The following KCNMA1 variants were observed in gnomAD, a reference collection of about 807,000 sequenced individuals.
KCNMA1 encodes potassium calcium-activated channel subfamily M alpha 1.
Under a neutral mutation model 140.0 loss-of-function variants are expected in KCNMA1, and 29 were observed. The observed-to-expected ratio is 0.21, with a 90% CI of 0.15 to 0.28. The LOEUF (loss-of-function observed/expected upper bound fraction) is 0.28, where lower values mean the gene tolerates loss of function less well. Among genes scored for constraint, KCNMA1 ranks in the 10% least tolerant of loss-of-function variants. The pLI, the probability that KCNMA1 is intolerant of heterozygous loss-of-function variation, is 1.00. For synonymous variants in KCNMA1, 612 were observed against 611.9 expected (o/e 1.00, Z 0.00); for missense variants, 880 against 1,602.2 (o/e 0.55, Z 7.70).
At chr10:77,028,468 G>T (rs1468780302) in intron 15 of KCNMA1, among the ~76,000 whole-genome samples, 1 of 152,034 alleles carries the variant, frequency 6.6e-6, no homozygotes, top group Non-Finnish European at 1.5e-5. Context: ...ACTGCTTTGA[G>T]GCTGGCTTGT....
rs111557112 is a variant in KCNMA1 at position 77,040,831 on chromosome 10, G to A, written c.1750-1194C>T. On this transcript the variant is annotated intron_variant, in intron 14 of 27. Transcript: ENST00000286628. ...AGATGTCTTGCTCCAAATTTCAAAA[G>A]GAGTATCACAAAAGTAAAATGTAGT... Among the ~76,000 whole-genome samples the A allele has an allele frequency of 1.8e-3, 268 of 152,248 alleles. 1 individual carries two copies. The highest frequency in any genetic ancestry group is 6.1e-3 in the African/African-American group (254 of 41,540).
rs991553254 is a variant in KCNMA1 at position 77,108,297 on chromosome 10, A to T, written c.1223+184T>A. ...TGCAACTGACTTACTTTCTGCCTCC[A>T]TGTTTGTTAAAAGTCCCGCCGAATT... On this transcript the variant is annotated intron_variant, in intron 9 of 27. Transcript: ENST00000286628. This position sits in a 1 kb window ranked among gnomAD's most constrained non-coding sequence, Gnocchi z 4.6. 9.4e-6 allele frequency: 14 copies of T among 1,494,294 alleles called. No homozygotes were observed. The highest frequency in any genetic ancestry group is 1.2e-5 in the Non-Finnish European group (14 of 1,129,728). The allele number at this position is 1,494,294 out of a possible 1,614,324, so 92.6% of individuals were successfully genotyped here.
At chr10:77,569,724 A>G (rs2070132402) in intron 1 of KCNMA1, among the ~76,000 whole-genome samples, 1 of 152,278 alleles carries the variant, frequency 6.6e-6, no homozygotes, top group East Asian at 1.9e-4. Context: ...ACAAAAGTCA[A>G]AATTGACAGA....
At chr10:77,284,499 CTGT>C (rs1287154320) in intron 2 of KCNMA1, among the ~76,000 whole-genome samples, 3 of 152,182 alleles carry the variant, frequency 2.0e-5, no homozygotes, top group East Asian at 1.9e-4. Flanking sequence ...AGGGGAGACT[CTGT>C]TGTTGTTATT....
chr10:77,463,619 A>G lies in KCNMA1; in HGVS notation c.379-59596T>C, dbSNP rs117981020. Among the ~76,000 whole-genome samples the G allele has an allele frequency of 5.3e-5, 8 of 152,286 alleles. No homozygotes were observed. The East Asian group carries it at 1.5e-3, about 29-fold the overall frequency. On this transcript the variant is annotated intron_variant, in intron 1 of 27. Transcript: ENST00000286628. ...TGGTTTATTGCTCCAAGAGGGAGTT[A>G]ATTCAGGCACTCAAATCTCCATGGA... is the stretch of plus-strand genomic sequence containing the variant.
chr10:77,520,394 G>A (rs1216884565), intron 1 of KCNMA1, among the ~76,000 whole-genome samples: 2 of 151,922 alleles, frequency 1.3e-5, no homozygotes, highest in Non-Finnish European at 1.5e-5. Flanking sequence ...TTTACCAGGT[G>A]TGTGGCCCGG....
intron 3 of KCNMA1, among the ~76,000 whole-genome samples, chr10:77,220,269 G>A (rs1485745563): frequency 6.6e-6 from 1 of 152,180 alleles, no homozygotes; most frequent in Admixed American, 6.5e-5. Flanking sequence ...TGCTTTTACT[G>A]CTAGGCTGAT....
At chr10:77,184,281 G>A (rs528281502) in intron 4 of KCNMA1, among the ~76,000 whole-genome samples, 2 of 152,106 alleles carry the variant, frequency 1.3e-5, no homozygotes, top group African/African-American at 2.4e-5. Context: ...GTGCAGTGGC[G>A]TGATTTCAGC....
At chr10:77,583,834 T>C (rs1244746727) in intron 1 of KCNMA1, among the ~76,000 whole-genome samples, 3 of 152,222 alleles carry the variant, frequency 2.0e-5, no homozygotes, top group Non-Finnish European at 4.4e-5. Flanking sequence ...CTAAAGGCTT[T>C]GGTGCCCAAC....
intron 1 of KCNMA1, among the ~76,000 whole-genome samples, chr10:77,622,788 T>A (rs1321570176): frequency 6.6e-6 from 1 of 152,222 alleles, no homozygotes; most frequent in Non-Finnish European, 1.5e-5. Context: ...TCTGATTTTT[T>A]TTCCCCTAAG....
chr10:77,357,663 TTTAAA>T (rs1189242396), intron 2 of KCNMA1, among the ~76,000 whole-genome samples: 3 of 152,224 alleles, frequency 2.0e-5, no homozygotes, highest in African/African-American at 4.8e-5. Context: ...GACGCAATAA[TTTAAA>T]TTAAGAGAAA....
intron 1 of KCNMA1, among the ~76,000 whole-genome samples, chr10:77,541,907 A>C (rs2060267593): frequency 6.6e-6 from 1 of 152,186 alleles, no homozygotes; most frequent in Non-Finnish European, 1.5e-5. Context: ...TCACTAACTC[A>C]AGGGCAAGTT....
chr10:77,472,484 A>T (rs1185496971), intron 1 of KCNMA1, among the ~76,000 whole-genome samples: 1 of 151,666 alleles, frequency 6.6e-6, no homozygotes, highest in African/African-American at 2.4e-5. Flanking sequence ...CATACTAAAC[A>T]CACATCACAC....
exon 28 of KCNMA1, chr10:76,871,831 A>G (rs1180235695): frequency 6.6e-6 from 1 of 152,190 alleles, no homozygotes; most frequent in Non-Finnish European, 1.5e-5. Context: ...TACCATATTG[A>G]ATGTGAAACT....
At chr10:77,617,309 G>C (rs544665854) in intron 1 of KCNMA1, among the ~76,000 whole-genome samples, 1 of 152,290 alleles carries the variant, frequency 6.6e-6, no homozygotes, top group Admixed American at 6.5e-5. Flanking sequence ...GCCACGCCAG[G>C]TAAGATTCAA....
intron 23 of KCNMA1, among the ~76,000 whole-genome samples, chr10:76,938,873 C>T (rs2061252665): frequency 6.6e-6 from 1 of 152,108 alleles, no homozygotes; most frequent in Admixed American, 6.6e-5. Flanking sequence ...TTATCTTTTT[C>T]AAGCATGGAA....
chr10:77,556,435 G>C (rs1432406864), intron 1 of KCNMA1, among the ~76,000 whole-genome samples: 3 of 137,762 alleles, frequency 2.2e-5, no homozygotes, highest in Non-Finnish European at 4.6e-5. Context: ...AGCCTGGTAG[G>C]CAGAGGTTGT....
At chr10:77,499,600 C>A (rs1048203734) in intron 1 of KCNMA1, among the ~76,000 whole-genome samples, 2 of 151,894 alleles carry the variant, frequency 1.3e-5, no homozygotes, top group African/African-American at 4.8e-5. Context: ...AACCCAACAG[C>A]AGGGCCAAGT....
At chr10:77,464,742 C>T (rs969299234) in intron 1 of KCNMA1, among the ~76,000 whole-genome samples, 3 of 152,140 alleles carry the variant, frequency 2.0e-5, no homozygotes, top group South Asian at 2.1e-4. Context: ...AAGGTGCCCA[C>T]GTCCTTGACA....
Sources: allele counts gnomAD v4.1 joint callset (sites outside exome capture counted in the v4.1 genomes callset), GRCh38; gene constraint gnomAD v4.1.1; non-coding constraint Gnocchi (gnomAD v3.1); transcripts MANE v1.5; gene names NCBI Gene and HGNC (gene_info 2026-07-23, HGNC 2026-07-21).